CHL1: variants seen among roughly 807,000 people sequenced by gnomAD.
CHL1 encodes the protein neural cell adhesion molecule L1-like protein.
CHL1 carries 96 observed loss-of-function variants against 141.9 expected under a neutral mutation model. That is an observed-to-expected ratio of 0.68 (90% CI 0.57 to 0.80). CHL1 has a LOEUF of 0.80. Ranked by LOEUF, CHL1 falls within the 30% of genes least tolerant of loss-of-function variation. The pLI, the probability that CHL1 is intolerant of heterozygous loss-of-function variation, is 0.00. For synonymous variants in CHL1, 613 were observed against 502.2 expected (o/e 1.22, Z -2.95); for missense variants, 1,820 against 1,457.2 (o/e 1.25, Z -4.05).
At chr3:236,426 C>A (rs183462534) in intron 1 of CHL1, among the ~76,000 whole-genome samples, 181 of 152,224 alleles carry the variant, frequency 1.2e-3, no homozygotes, top group African/African-American at 4.2e-3. Flanking sequence ...GGGAAGTGTT[C>A]TTGAGAATGT....
intron 20 of CHL1, 122 bp downstream of exon 20, chr3:389,596 G>A (rs966449363): frequency 1.4e-6 from 1 of 722,120 alleles, no homozygotes; most frequent in Non-Finnish European, 2.3e-6. Flanking sequence ...CTAGCCGTGG[G>A]AGATAAAAAC....
chr3:376,987 T>G (rs1706404246), intron 15 of CHL1, among the ~76,000 whole-genome samples: 1 of 152,228 alleles, frequency 6.6e-6, no homozygotes, highest in South Asian at 2.1e-4. Flanking sequence ...GAAATGTACA[T>G]AAAAATATTA....
At chr3:209,857 A>T (rs905764180) in intron 1 of CHL1, among the ~76,000 whole-genome samples, 2 of 152,220 alleles carry the variant, frequency 1.3e-5, no homozygotes, top group African/African-American at 4.8e-5. Context: ...CGTTGTTTAC[A>T]GATAGGATTT....
At chr3:292,365 A>G (rs980490352) in intron 2 of CHL1, among the ~76,000 whole-genome samples, 1 of 152,190 alleles carries the variant, frequency 6.6e-6, no homozygotes, top group Admixed American at 6.5e-5. Flanking sequence ...ACTTTCCCAC[A>G]TATTTCCTTT....
chr3:398,461 T>C, intron 25 of CHL1, 76 bp downstream of exon 25: 2 of 809,700 alleles, frequency 2.5e-6, no homozygotes, highest in African/African-American at 1.7e-5. Context: ...GCCTGTGTCC[T>C]ATATTAAACA....
chr3:407,865 A>G lies in CHL1; in HGVS notation c.*2154A>G, dbSNP rs1709627640. 1 of 152,152 alleles carries G rather than the reference A, an allele frequency of 6.6e-6. No individual in the cohort carries two copies. The highest frequency in any genetic ancestry group is 1.5e-5 in the Non-Finnish European group (1 of 68,006). 9.4% of individuals were successfully genotyped at this position (152,152 alleles called of 1,614,324 possible). A position where few individuals can be genotyped will look rare whatever the true frequency, so the allele number is the denominator to read the frequency against. ...CGTGTTCCCCTTTAGCTGCCTGAAA[A>G]TCAAGATTGCTCCTGCTCAGATCTT... On this transcript the variant is annotated 3_prime_UTR_variant, in exon 28 of 28. Transcript: ENST00000256509.
intron 10 of CHL1, among the ~76,000 whole-genome samples, chr3:350,451 C>T (rs1703145565): frequency 1.3e-5 from 2 of 152,154 alleles, no homozygotes; most frequent in African/African-American, 4.8e-5. Flanking sequence ...TTATTTAGTG[C>T]AGTGTAAGCT....
intron 1 of CHL1, among the ~76,000 whole-genome samples, chr3:241,776 T>C (rs1242487719): frequency 3.9e-5 from 6 of 152,184 alleles, no homozygotes; most frequent in Non-Finnish European, 7.3e-5. Context: ...CTCTCCATTC[T>C]TGTTTTACAT....
intron 2 of CHL1, among the ~76,000 whole-genome samples, chr3:255,512 T>C (rs1458644689): frequency 6.6e-6 from 1 of 151,996 alleles, no homozygotes; most frequent in Non-Finnish European, 1.5e-5. Flanking sequence ...TGTGTGTGTG[T>C]GTATACATAC....
chr3:352,034 C>A (rs1180264948), intron 10 of CHL1, among the ~76,000 whole-genome samples: 1 of 152,030 alleles, frequency 6.6e-6, no homozygotes. Context: ...ATGTTGTCAA[C>A]TTTTGAATTA....
At chr3:331,968 C>T (rs1701476980) in intron 5 of CHL1, among the ~76,000 whole-genome samples, 1 of 152,142 alleles carries the variant, frequency 6.6e-6, no homozygotes, top group African/African-American at 2.4e-5. Context: ...AATACGTATC[C>T]ACTACTGATG....
chr3:322,783 G>T (rs1481219244), intron 3 of CHL1, among the ~76,000 whole-genome samples: 1 of 150,318 alleles, frequency 6.7e-6, no homozygotes, highest in Admixed American at 6.7e-5. Flanking sequence ...GGTTGAGGCT[G>T]CAGTGAGCCA....
intron 1 of CHL1, chr3:197,899 G>A (rs980383525): frequency 7.1e-6 from 3 of 424,026 alleles, no homozygotes; most frequent in African/African-American, 6.6e-5. Flanking sequence ...GAGTGTGAGT[G>A]TGCGTGGGGA....
At chr3:201,354 A>C (rs1204107888) in intron 1 of CHL1, among the ~76,000 whole-genome samples, 3 of 152,216 alleles carry the variant, frequency 2.0e-5, no homozygotes, top group African/African-American at 7.2e-5. Context: ...TTGTGTTTAG[A>C]TCATAAAAAT....
intron 2 of CHL1, among the ~76,000 whole-genome samples, chr3:318,826 G>T (rs73009504): frequency 0.096 from 14,566 of 151,386 alleles, 997 homozygotes; most frequent in East Asian, 0.33. Flanking sequence ...TGATGTATTT[G>T]TGATCCTTAA....
chr3:264,234 G>A (rs1694977846), intron 2 of CHL1, among the ~76,000 whole-genome samples: 1 of 151,834 alleles, frequency 6.6e-6, no homozygotes, highest in Non-Finnish European at 1.5e-5. Context: ...TTTAAAGCAA[G>A]CCCACACAGT....
intron 10 of CHL1, among the ~76,000 whole-genome samples, chr3:350,185 G>C (rs1031598658): frequency 2.0e-5 from 3 of 152,138 alleles, no homozygotes; most frequent in Non-Finnish European, 4.4e-5. Flanking sequence ...TCTTCTCTCT[G>C]TAAATTCAGA....
chr3:337,346 A>T (rs373244591), intron 5 of CHL1, among the ~76,000 whole-genome samples: 2 of 135,272 alleles, frequency 1.5e-5, no homozygotes, highest in African/African-American at 5.6e-5. Context: ...GCCCGCCACC[A>T]CGCCCGGCTA....
chr3:198,233 G>T, intron 1 of CHL1: 1 of 161,282 alleles, frequency 6.2e-6, no homozygotes, highest in Non-Finnish European at 1.4e-5. Context: ...GCCCGGCAGA[G>T]AGGGCGCCCC....
Sources: allele counts gnomAD v4.1 joint callset (sites outside exome capture counted in the v4.1 genomes callset), GRCh38; gene constraint gnomAD v4.1.1; transcripts MANE v1.5; gene names NCBI Gene and HGNC (gene_info 2026-07-23, HGNC 2026-07-21).